The following CYSLTR1 variants were observed in gnomAD, a reference collection of about 807,000 sequenced individuals.
CYSLTR1 encodes the protein cysteinyl leukotriene receptor 1.
CYSLTR1 carries 1 observed loss-of-function variant against 2.1 expected under a neutral mutation model. The ratio of observed to expected loss-of-function variants is 0.48; its 90% CI spans 0.17 to 2.28. The LOEUF is 2.28. Ranked by LOEUF, CYSLTR1 falls within the 30% of genes most tolerant of loss-of-function variation. CYSLTR1 has a pLI of 0.26. For missense variants in CYSLTR1, 299 were observed against 250.1 expected (o/e 1.20, Z -1.32); for synonymous variants, 110 against 89.6 (o/e 1.23, Z -1.28).
At chrX:78,279,799 C>T (rs930320367) in intron 2 of CYSLTR1, among the ~76,000 whole-genome samples, 1 of 111,944 alleles carries the variant, frequency 8.9e-6, no homozygotes, top group South Asian at 3.7e-4. Flanking sequence ...TTGGCTGCAA[C>T]ATGTATGCAG....
intron 1 of CYSLTR1, among the ~76,000 whole-genome samples, chrX:78,293,376 G>T (rs1303769847): frequency 9.0e-6 from 1 of 111,216 alleles, no homozygotes; most frequent in East Asian, 2.8e-4. Context: ...TCCCTTTTTG[G>T]GTCACCCGAC....
At chrX:78,277,957 A>T (rs1921671573) in intron 2 of CYSLTR1, among the ~76,000 whole-genome samples, 1 of 111,924 alleles carries the variant, frequency 8.9e-6, no homozygotes, top group African/African-American at 3.2e-5. Flanking sequence ...AGAATTCAAA[A>T]ATCTGTATGG....
At chrX:78,284,159 A>G (rs1435988151) in intron 1 of CYSLTR1, among the ~76,000 whole-genome samples, 1 of 111,746 alleles carries the variant, frequency 8.9e-6, no homozygotes, top group Admixed American at 9.5e-5. Context: ...TCTTCTCTTC[A>G]ATTAAATTAT....
chrX:78,300,049 C>T (rs1272072088), intron 1 of CYSLTR1, among the ~76,000 whole-genome samples: 1 of 111,560 alleles, frequency 9.0e-6, no homozygotes, highest in Non-Finnish European at 1.9e-5. Context: ...TTTACTAATC[C>T]TTTCTTTGGA....
chrX:78,296,388 G>T (rs1376619914), intron 1 of CYSLTR1, among the ~76,000 whole-genome samples: 1 of 111,515 alleles, frequency 9.0e-6, no homozygotes, highest in African/African-American at 3.3e-5. Flanking sequence ...TGGGTCTGTT[G>T]TGTTTCCATA....
intron 1 of CYSLTR1, among the ~76,000 whole-genome samples, chrX:78,312,228 G>A (rs940854264): frequency 9.0e-6 from 1 of 111,384 alleles, no homozygotes; most frequent in African/African-American, 3.3e-5. Flanking sequence ...AAGCAATGGG[G>A]AAAGGACTCC....
chrX:78,273,371 C>T lies in CYSLTR1; in HGVS notation c.376G>A (p.Val126Ile). 8.3e-7 allele frequency: 1 copy of T among 1,211,209 alleles called. No individual in the cohort carries two copies. Among genetic ancestry groups the T allele is most frequent in the Non-Finnish European group, 1.1e-6 (1 of 895,357 alleles). ...AMSFFRCIAI[V>I]FPVQNINLVT... ...AAATTAATGTTCTGGACTGGAAAAA[C>T]AATTGCAATGCACCGGAAAAAGCTC... The change falls in exon 3 of 3, where the codon GTT (valine) becomes ATT (isoleucine). Residue 126 changes from valine (V) to isoleucine (I), a missense_variant. Transcript: ENST00000373304.
At chrX:78,319,034 TATC>T (rs1316977196) in intron 1 of CYSLTR1, 1 of 111,205 alleles carries the variant, frequency 9.0e-6, no homozygotes, top group Non-Finnish European at 1.9e-5. Context: ...AGGTTGAAGT[TATC>T]ATTCTCTATG....
At chrX:78,315,001 T>C (rs1317398477) in intron 1 of CYSLTR1, among the ~76,000 whole-genome samples, 4 of 104,610 alleles carry the variant, frequency 3.8e-5, no homozygotes, top group Non-Finnish European at 7.8e-5. Flanking sequence ...AAGTCCAAAA[T>C]AGATGCCTTC....
At chrX:78,302,298 C>G (rs768465261) in intron 1 of CYSLTR1, among the ~76,000 whole-genome samples, 13 of 112,290 alleles carry the variant, frequency 1.2e-4, no homozygotes, top group Admixed American at 1.0e-3. Flanking sequence ...TTGGACTCAC[C>G]CTGCATGGCA....
At chrX:78,319,585 G>C (rs1266251534) in intron 1 of CYSLTR1, 3 of 110,836 alleles carry the variant, frequency 2.7e-5, no homozygotes, top group African/African-American at 9.9e-5. Flanking sequence ...ATGTGTGCAT[G>C]TGTCTTTATA....
At chrX:78,311,466 G>T (rs1450453987) in intron 1 of CYSLTR1, among the ~76,000 whole-genome samples, 1 of 111,647 alleles carries the variant, frequency 9.0e-6, no homozygotes, top group African/African-American at 3.3e-5. Context: ...AGTTAAGAAT[G>T]CTTCCAAAGA....
chrX:78,303,101 G>A (rs1417523353), intron 1 of CYSLTR1, among the ~76,000 whole-genome samples: 1 of 111,834 alleles, frequency 8.9e-6, no homozygotes, highest in Admixed American at 9.4e-5. Flanking sequence ...AGTTCTGACT[G>A]CTGCAGTCTG....
intron 1 of CYSLTR1, among the ~76,000 whole-genome samples, chrX:78,312,467 A>G (rs1010473429): frequency 3.6e-5 from 4 of 112,039 alleles, no homozygotes; most frequent in Non-Finnish European, 5.6e-5. Context: ...AACAAAAATA[A>G]ACAAGTAGAA....
intron 2 of CYSLTR1, among the ~76,000 whole-genome samples, chrX:78,279,551 A>G (rs1290764016): frequency 5.3e-5 from 6 of 112,475 alleles, no homozygotes; most frequent in African/African-American, 1.9e-4. Flanking sequence ...TTCTGAAAAA[A>G]CATAAAACAG....
intron 1 of CYSLTR1, among the ~76,000 whole-genome samples, chrX:78,317,969 TATTAAA>T (rs1359079266): frequency 3.6e-5 from 4 of 111,348 alleles, no homozygotes; most frequent in Admixed American, 9.5e-5. Context: ...CCCCCAATAC[TATTAAA>T]ATTAAATTTA....
chrX:78,313,480 A>T (rs758564369), intron 1 of CYSLTR1, among the ~76,000 whole-genome samples: 2 of 112,189 alleles, frequency 1.8e-5, no homozygotes, highest in East Asian at 5.6e-4. Context: ...TGAAACCAGA[A>T]AAAATAAAAT....
intron 2 of CYSLTR1, among the ~76,000 whole-genome samples, chrX:78,279,425 C>G (rs1921740404): frequency 9.0e-6 from 1 of 111,701 alleles, no homozygotes; most frequent in Admixed American, 9.5e-5. Context: ...GTAAAAATGG[C>G]TGTTATTAAA....
chrX:78,318,456 G>C (rs1312517140), intron 1 of CYSLTR1, among the ~76,000 whole-genome samples: 1 of 111,632 alleles, frequency 9.0e-6, no homozygotes, highest in Admixed American at 9.4e-5. Flanking sequence ...ATACCTTGGT[G>C]ACAAAATAAT....
Sources: allele counts gnomAD v4.1 joint callset (sites outside exome capture counted in the v4.1 genomes callset), GRCh38; gene constraint gnomAD v4.1.1; transcripts MANE v1.5; gene names NCBI Gene and HGNC (gene_info 2026-07-23, HGNC 2026-07-21).